SDK1: variants seen among roughly 807,000 people sequenced by gnomAD.
SDK1 encodes the protein protein sidekick-1.
In SDK1, 157 loss-of-function variants were observed where a neutral mutation model predicts 245.5. The ratio of observed to expected loss-of-function variants is 0.64; its 90% CI spans 0.56 to 0.73. SDK1 has a LOEUF of 0.73. SDK1 is among the 30% of genes least tolerant of loss of function. The pLI, the probability that SDK1 is intolerant of heterozygous loss-of-function variation, is 0.00. For synonymous variants in SDK1, 1,647 were observed against 1,278.5 expected, an observed-to-expected ratio of 1.29 and a Z score of -6.15; for missense variants, 3,583 against 3,002.3, an observed-to-expected ratio of 1.19 and a Z score of -4.52.
At chr7:3,681,404 G>C (rs935628689) in intron 4 of SDK1, among the ~76,000 whole-genome samples, 1 of 152,074 alleles carries the variant, frequency 6.6e-6, no homozygotes, top group African/African-American at 2.4e-5. Context: ...ATAAACTGCT[G>C]CTCTGACCTT....
chr7:3,579,630 C>G (rs1780417439), intron 1 of SDK1, among the ~76,000 whole-genome samples: 2 of 152,188 alleles, frequency 1.3e-5, no homozygotes, highest in South Asian at 4.1e-4. Flanking sequence ...AGGATGCCCT[C>G]TCTCACCAAT....
chr7:3,591,594 C>G (rs1355553832), intron 1 of SDK1, among the ~76,000 whole-genome samples: 1 of 152,214 alleles, frequency 6.6e-6, no homozygotes, highest in African/African-American at 2.4e-5. Context: ...GAACATGCGA[C>G]CAGTGCCTTT....
intron 4 of SDK1, among the ~76,000 whole-genome samples, chr7:3,796,006 C>T (rs1219135080): frequency 3.3e-5 from 5 of 152,170 alleles, no homozygotes; most frequent in African/African-American, 4.8e-5. Flanking sequence ...CTTTAAAAAT[C>T]GTAGACTGTT....
At chr7:4,152,261 C>G (rs1417497712) in intron 30 of SDK1, among the ~76,000 whole-genome samples, 1 of 152,156 alleles carries the variant, frequency 6.6e-6, no homozygotes, top group South Asian at 2.1e-4. Context: ...CAACAGAACT[C>G]GAGGGGCACA....
At chr7:3,999,574 G>T (rs990772218) in intron 14 of SDK1, among the ~76,000 whole-genome samples, 1 of 152,180 alleles carries the variant, frequency 6.6e-6, no homozygotes, top group Non-Finnish European at 1.5e-5. Context: ...TCGGGGCGGG[G>T]GAGGCTGGTG....
At chr7:3,521,429 G>A (rs961240073) in intron 1 of SDK1, among the ~76,000 whole-genome samples, 1 of 149,768 alleles carries the variant, frequency 6.7e-6, no homozygotes. Flanking sequence ...CTGTTCTCAT[G>A]TATACAAACA....
intron 5 of SDK1, among the ~76,000 whole-genome samples, chr7:3,945,263 G>C (rs1457445423): frequency 6.6e-6 from 1 of 152,200 alleles, no homozygotes; most frequent in Non-Finnish European, 1.5e-5. Flanking sequence ...CTGGGATTTA[G>C]CGTCCCTTCG....
chr7:3,938,839 C>G (rs1172401975), intron 5 of SDK1, among the ~76,000 whole-genome samples: 1 of 152,284 alleles, frequency 6.6e-6, no homozygotes, highest in East Asian at 1.9e-4. Flanking sequence ...GCAGCACTGT[C>G]TTTTATCACC....
chr7:4,195,532 C>G (rs1783526886), intron 35 of SDK1, among the ~76,000 whole-genome samples: 1 of 152,222 alleles, frequency 6.6e-6, no homozygotes, highest in Admixed American at 6.5e-5. Context: ...GAACCCAGGC[C>G]TGCAATTCCC....
In SDK1 at chr7:3,879,924, C is replaced by T. The variant is rs529069311; in HGVS notation, c.847+58341C>T. Reference sequence around the variant, plus strand: ...TGGCAGGCGGCGTATGCTACATGACCATTTTTTTTTTCCTGCAGAATTTTA... The same window carrying T: ...TGGCAGGCGGCGTATGCTACATGACTATTTTTTTTTTCCTGCAGAATTTTA... On this transcript the variant is annotated intron_variant, in intron 5 of 44. Transcript: ENST00000404826. Among the ~76,000 whole-genome samples the T allele has an allele frequency of 3.9e-3, 597 of 151,836 alleles. 1 individual carries two copies. The highest frequency in any genetic ancestry group is 4.7e-3 in the Non-Finnish European group (318 of 67,936).
rs141125485 is a variant in SDK1 at position 4,245,757 on chromosome 7, C to G, written c.6333C>G (p.Thr2111=). 1 of 1,613,816 alleles carries G rather than the reference C, an allele frequency of 6.2e-7. No individual in the cohort carries two copies. The highest frequency in any genetic ancestry group is 8.5e-7 in the Non-Finnish European group (1 of 1,179,950). The stretch of plus-strand genomic sequence containing the variant: ...ACAAGTACAACGGCGCCGTGCTGAC[C>G]GAGAGCGTGAGCCTCAAGGAGAAGT... The part of the protein sequence containing the change: ...ICNKYNGAVL[T]ESVSLKEKSA... The change falls in exon 44 of 45, where the codon ACC becomes ACG. Residue 2111 remains threonine, a synonymous_variant. Transcript: ENST00000404826.
chr7:3,321,400 A>G (rs1475576826), intron 1 of SDK1, among the ~76,000 whole-genome samples: 2 of 152,150 alleles, frequency 1.3e-5, no homozygotes, highest in Non-Finnish European at 1.5e-5. Flanking sequence ...GTCCTGTTGT[A>G]CTACCTCTGG....
At chr7:3,473,515 C>A (rs1031048127) in intron 1 of SDK1, among the ~76,000 whole-genome samples, 36 of 152,148 alleles carry the variant, frequency 2.4e-4, no homozygotes, top group Non-Finnish European at 4.4e-4. Flanking sequence ...AGCTTTTAAA[C>A]CCTGAGAGAC....
At chr7:3,766,399 G>C (rs1366319259) in intron 4 of SDK1, among the ~76,000 whole-genome samples, 1 of 152,090 alleles carries the variant, frequency 6.6e-6, no homozygotes, top group African/African-American at 2.4e-5. Context: ...TAAAAATGAG[G>C]TCTCTGAAGT....
intron 5 of SDK1, among the ~76,000 whole-genome samples, chr7:3,865,188 C>A (rs1244503268): frequency 1.3e-5 from 2 of 152,086 alleles, no homozygotes. Context: ...CCCATCTGAG[C>A]CACAGCAGAT....
At chr7:3,725,903 G>A (rs1001152641) in intron 4 of SDK1, among the ~76,000 whole-genome samples, 1 of 152,158 alleles carries the variant, frequency 6.6e-6, no homozygotes, top group African/African-American at 2.4e-5. Context: ...ATTGATTCTG[G>A]GTTAAAACAT....
chr7:4,140,593 G>GC (rs1473487048), intron 28 of SDK1, among the ~76,000 whole-genome samples: 3 of 152,156 alleles, frequency 2.0e-5, no homozygotes, highest in African/African-American at 7.2e-5. Context: ...GAGGCCAACA[G>GC]CAGGGTATCC....
chr7:3,923,012 T>C (rs1451024938), intron 5 of SDK1, among the ~76,000 whole-genome samples: 1 of 152,264 alleles, frequency 6.6e-6, no homozygotes, highest in African/African-American at 2.4e-5. Flanking sequence ...ACTGATTTGA[T>C]TGTATGCACT....
intron 25 of SDK1, among the ~76,000 whole-genome samples, chr7:4,124,803 T>C (rs1784273218): frequency 6.6e-6 from 1 of 152,206 alleles, no homozygotes. Flanking sequence ...TGAGGAAGTC[T>C]GAATGTCTGA....
Sources: gnomAD v4.1 joint callset for allele counts (sites outside exome capture counted in the v4.1 genomes callset) on GRCh38, gnomAD v4.1.1 for gene constraint, MANE v1.5 for transcripts, NCBI Gene and HGNC (gene_info 2026-07-23, HGNC 2026-07-21) for gene names.